Variants in CDYL2 observed in about 807,000 individuals in gnomAD.
The protein encoded by CDYL2 is chromodomain Y-like protein 2.
CDYL2 carries 23 observed loss-of-function variants against 49.4 expected under a neutral mutation model. The observed-to-expected ratio is 0.47, with a 90% CI of 0.34 to 0.66. The LOEUF is 0.66. CDYL2 is among the 30% of genes least tolerant of loss of function. The pLI is 0.01. For synonymous variants in CDYL2, 360 were observed against 268.8 expected, an observed-to-expected ratio of 1.34 and a Z score of -3.32; for missense variants, 678 against 656.4, an observed-to-expected ratio of 1.03 and a Z score of -0.36.
chr16:80,722,022 C>T (rs1440113812), intron 1 of CDYL2, among the ~76,000 whole-genome samples: 1 of 152,070 alleles, frequency 6.6e-6, no homozygotes, highest in Non-Finnish European at 1.5e-5. Flanking sequence ...GGTTATGGAC[C>T]CCTCAGGAGC....
At chr16:80,748,804 T>C in intron 1 of CDYL2, among the ~76,000 whole-genome samples, 1 of 152,044 alleles carries the variant, frequency 6.6e-6, no homozygotes, top group South Asian at 2.1e-4. Context: ...TGCCCTTGTC[T>C]CTCATTCTTC....
chr16:80,751,177 A>C (rs1906123589), intron 1 of CDYL2, among the ~76,000 whole-genome samples: 1 of 152,160 alleles, frequency 6.6e-6, no homozygotes, highest in Admixed American at 6.5e-5. Flanking sequence ...CAAAACCAAA[A>C]ACTTTAGACC....
chr16:80,662,103 T>C (rs1909069374), intron 2 of CDYL2, among the ~76,000 whole-genome samples: 1 of 152,230 alleles, frequency 6.6e-6, no homozygotes, highest in African/African-American at 2.4e-5. Context: ...TGCAAAGCTT[T>C]GTATTGGCCT....
In CDYL2 at chr16:80,718,035, G is replaced by C. The variant is rs1904869166; in HGVS notation, c.25-32906C>G. On this transcript the variant is annotated intron_variant, in intron 1 of 6. Transcript: ENST00000570137. ...TTCTCAAGCAGTTACCAATCATCCTGACAAACCCAGGAGGGGCTATTATCT... is the reference window on the plus strand; with the variant it reads ...TTCTCAAGCAGTTACCAATCATCCTCACAAACCCAGGAGGGGCTATTATCT... Among the ~76,000 whole-genome samples the C allele has an allele frequency of 3.3e-5, 5 of 152,256 alleles. No individual in the cohort carries two copies. In the South Asian group the frequency reaches 1.0e-3, roughly 32 times the overall value.
chr16:80,613,656 C>T (rs1195037660), intron 4 of CDYL2, among the ~76,000 whole-genome samples: 1 of 152,166 alleles, frequency 6.6e-6, no homozygotes, highest in African/African-American at 2.4e-5. Context: ...TACACAGAGC[C>T]ATCAACAATG....
chr16:80,777,632 T>C (rs533500620), intron 1 of CDYL2, among the ~76,000 whole-genome samples: 1 of 152,184 alleles, frequency 6.6e-6, no homozygotes, highest in East Asian at 1.9e-4. Context: ...TTCTTACTAA[T>C]ATAAACTACC....
At chr16:80,730,134 A>T (rs1264909166) in intron 1 of CDYL2, among the ~76,000 whole-genome samples, 1 of 152,206 alleles carries the variant, frequency 6.6e-6, no homozygotes, top group African/African-American at 2.4e-5. Context: ...AGACACAAAA[A>T]ACCCTTCAAA....
chr16:80,662,813 ACCTTC>A (rs1909102098), intron 2 of CDYL2: 1 of 452,916 alleles, frequency 2.2e-6, no homozygotes, highest in South Asian at 1.6e-5. Flanking sequence ...CATCATGGAT[ACCTTC>A]CACATCTTGA....
At chr16:80,663,721 T>C (rs747593843) in intron 2 of CDYL2, among the ~76,000 whole-genome samples, 3 of 152,112 alleles carry the variant, frequency 2.0e-5, no homozygotes, top group Non-Finnish European at 2.9e-5. Flanking sequence ...GCTTCCCAAG[T>C]AGCTAGAATT....
chr16:80,734,801 C>T (rs1244681920), intron 1 of CDYL2, among the ~76,000 whole-genome samples: 1 of 152,104 alleles, frequency 6.6e-6, no homozygotes, highest in Admixed American at 6.5e-5. Flanking sequence ...AGAACTGGTT[C>T]CTAATTTTGT....
intron 4 of CDYL2, among the ~76,000 whole-genome samples, chr16:80,616,121 G>C (rs1906816513): frequency 6.6e-6 from 1 of 152,208 alleles, no homozygotes; most frequent in Non-Finnish European, 1.5e-5. Flanking sequence ...GGCAGAAGGA[G>C]CAACAACTTC....
intron 3 of CDYL2, among the ~76,000 whole-genome samples, chr16:80,630,172 G>C (rs562406657): frequency 2.0e-4 from 30 of 152,180 alleles, no homozygotes; most frequent in Non-Finnish European, 4.1e-4. Context: ...CCCTTCAGTT[G>C]TTGAGACAGC....
At chr16:80,778,613 C>A (rs1907166916) in intron 1 of CDYL2, among the ~76,000 whole-genome samples, 2 of 151,958 alleles carry the variant, frequency 1.3e-5, no homozygotes, top group South Asian at 4.1e-4. Flanking sequence ...GTTCTTTAAT[C>A]ATAAGACTCA....
intron 1 of CDYL2, among the ~76,000 whole-genome samples, chr16:80,688,544 A>T (rs1910289292): frequency 1.3e-5 from 2 of 152,218 alleles, no homozygotes; most frequent in South Asian, 4.1e-4. Context: ...CCCCCAATTT[A>T]AAAAAGCAAA....
chr16:80,737,999 C>A (rs1454493113), intron 1 of CDYL2, among the ~76,000 whole-genome samples: 1 of 152,122 alleles, frequency 6.6e-6, no homozygotes, highest in Non-Finnish European at 1.5e-5. Context: ...GGCATTTCTC[C>A]TAAAGCTATC....
At chr16:80,785,644 C>T (rs1327578377) in intron 1 of CDYL2, among the ~76,000 whole-genome samples, 1 of 152,024 alleles carries the variant, frequency 6.6e-6, no homozygotes, top group Non-Finnish European at 1.5e-5. Context: ...AAAAAGAGCC[C>T]GCATAGCCAA....
At chr16:80,687,213 G>A (rs143286116) in intron 1 of CDYL2, among the ~76,000 whole-genome samples, 130 of 152,306 alleles carry the variant, frequency 8.5e-4, no homozygotes, top group African/African-American at 2.9e-3. Context: ...CAGCAGCAGC[G>A]CCCAGATATT....
intron 1 of CDYL2, among the ~76,000 whole-genome samples, chr16:80,712,025 ATG>A (rs1333634601): frequency 1.3e-5 from 2 of 150,534 alleles, no homozygotes; most frequent in African/African-American, 2.4e-5. Context: ...GTGTATATAT[ATG>A]TGTGTATATA....
rs1348845116 is a variant in CDYL2 at position 80,684,544 on chromosome 16, C to G, written c.610G>C (p.Gly204Arg). Residue 204 changes from glycine (G) to arginine (R), a missense_variant, in exon 2 of 7, where the codon GGG (glycine) becomes CGG (arginine). Around this residue, in one of 3 missense-constraint regions of CDYL2, gnomAD observed 478 missense variants for 427.0 expected, o/e 1.12. Coordinates refer to ENST00000570137, the MANE Select transcript of CDYL2 (RefSeq NM_152342.4). ...DVNHATLAEN[G>R]LGSALTNGGL... ...AGAAAGAAAAGCTACAAACCGAGCC[C>G]GTTCTCCGCCAGTGTAGCGTGATTC... The G allele has an allele frequency of 1.2e-6, 2 of 1,610,786 alleles. No homozygotes were observed. The highest frequency in any genetic ancestry group is 1.7e-5 in the Admixed American group (1 of 59,802).
Sources: allele counts gnomAD v4.1 joint callset (sites outside exome capture counted in the v4.1 genomes callset), GRCh38; gene constraint gnomAD v4.1.1; regional missense constraint gnomAD v4.1.1; transcripts MANE v1.5; gene names NCBI Gene and HGNC (gene_info 2026-07-23, HGNC 2026-07-21).